Variants in PACRG observed in about 807,000 individuals in gnomAD.
PACRG encodes the protein parkin coregulated gene protein.
A neutral mutation model predicts 29.7 loss-of-function variants in PACRG; 29 were observed. That is an observed-to-expected ratio of 0.98 (90% CI 0.73 to 1.33). The LOEUF is 1.33. Among genes scored for constraint, PACRG ranks in the 40% most tolerant of loss-of-function variants. The pLI is 0.00. For missense variants in PACRG, 279 were observed against 316.2 expected (o/e 0.88, Z 0.89); for synonymous variants, 116 against 118.7 (o/e 0.98, Z 0.15).
chr6:163,039,128 C>A (rs540147777), intron 2 of PACRG, among the ~76,000 whole-genome samples: 1 of 152,242 alleles, frequency 6.6e-6, no homozygotes, highest in East Asian at 1.9e-4. Flanking sequence ...AAGGAGTTCT[C>A]ACGAGATTTG....
chr6:162,942,275 A>G (rs1798686782), intron 2 of PACRG, among the ~76,000 whole-genome samples: 1 of 152,272 alleles, frequency 6.6e-6, no homozygotes, highest in African/African-American at 2.4e-5. Flanking sequence ...ATTATTTTTC[A>G]GTTTGTGAAA....
chr6:162,918,519 A>G (rs1465843499), intron 2 of PACRG, among the ~76,000 whole-genome samples: 2 of 152,202 alleles, frequency 1.3e-5, no homozygotes, highest in Non-Finnish European at 2.9e-5. Flanking sequence ...TGGCACCAGC[A>G]CAATGATTCC....
intron 4 of PACRG, among the ~76,000 whole-genome samples, chr6:163,118,219 CG>C (rs1379203052): frequency 1.3e-5 from 2 of 152,184 alleles, no homozygotes; most frequent in African/African-American, 4.8e-5. Context: ...TTAGGGGTGA[CG>C]TCTGGAGAGA....
At chr6:162,960,203 T>C (rs1373772017) in intron 2 of PACRG, among the ~76,000 whole-genome samples, 3 of 152,212 alleles carry the variant, frequency 2.0e-5, no homozygotes, top group Non-Finnish European at 4.4e-5. Context: ...TTTGGAGATT[T>C]CTCAAAGAAC....
intron 1 of PACRG, among the ~76,000 whole-genome samples, chr6:162,791,325 T>TG (rs1784928646): frequency 6.7e-6 from 1 of 148,774 alleles, no homozygotes; most frequent in Non-Finnish European, 1.5e-5. Flanking sequence ...TTTTTTTTTT[T>TG]GCTTTGCGCT....
At chr6:163,187,213 C>A (rs959335086) in intron 4 of PACRG, among the ~76,000 whole-genome samples, 4 of 152,200 alleles carry the variant, frequency 2.6e-5, no homozygotes, top group South Asian at 2.1e-4. Context: ...TTATTGACTT[C>A]TCACATCCGC....
chr6:163,131,064 T>C (rs12200768), intron 4 of PACRG, among the ~76,000 whole-genome samples: 40,023 of 151,980 alleles, frequency 0.26, 6,873 homozygotes, highest in Non-Finnish European at 0.38. Flanking sequence ...TCCCAGCACT[T>C]TGGGAGGCCG....
rs564913127 is a variant in PACRG, at chr6:162,946,880, T to C, written c.292-115270T>C. ...AACAGAGTGAAGGACAAAAACCATATGATCATCTCAATAGATGTAGAAGAA... is the reference window on the plus strand; with the variant it reads ...AACAGAGTGAAGGACAAAAACCATACGATCATCTCAATAGATGTAGAAGAA... On this transcript the variant is annotated intron_variant, in intron 2 of 4. Transcript: ENST00000366888. Among the ~76,000 whole-genome samples, 3 of 152,220 alleles carry C rather than the reference T, an allele frequency of 2.0e-5. No individual in the cohort carries two copies. The South Asian group carries it at 6.2e-4, about 32-fold the overall frequency.
At chr6:162,727,667 A>G (rs771586218), upstream of PACRG, 48 of 1,583,588 alleles carry the variant, frequency 3.0e-5, 1 homozygote, top group South Asian at 4.6e-4. Flanking sequence ...CGTACCTATC[A>G]TGGTCACTGG....
intron 4 of PACRG, among the ~76,000 whole-genome samples, chr6:163,147,820 C>T (rs1777862194): frequency 1.3e-5 from 2 of 152,168 alleles, no homozygotes; most frequent in Admixed American, 1.3e-4. Flanking sequence ...TCACATCTCC[C>T]AGCCCCGGGG....
At chr6:163,088,754 C>T (rs779185722) in intron 3 of PACRG, among the ~76,000 whole-genome samples, 51 of 152,090 alleles carry the variant, frequency 3.4e-4, no homozygotes, top group Non-Finnish European at 4.0e-4. Context: ...TTTATGTTCA[C>T]TTCTACCAAG....
intron 1 of PACRG, among the ~76,000 whole-genome samples, chr6:162,746,602 A>T (rs1248670570): frequency 6.6e-6 from 1 of 152,220 alleles, no homozygotes; most frequent in Non-Finnish European, 1.5e-5. Context: ...AAATATGAAG[A>T]CGTTTTAGGC....
At chr6:163,074,066 C>T (rs1812319628) in intron 3 of PACRG, among the ~76,000 whole-genome samples, 1 of 152,136 alleles carries the variant, frequency 6.6e-6, no homozygotes, top group Admixed American at 6.5e-5. Flanking sequence ...AAGCCCACTC[C>T]TAGGTATATA....
At chr6:162,727,966 G>C, upstream of PACRG, 1 of 600,982 alleles carries the variant, frequency 1.7e-6, no homozygotes, top group Non-Finnish European at 2.9e-6. Flanking sequence ...CCGCCGTGTT[G>C]ACCAGTCGCT....
intron 4 of PACRG, among the ~76,000 whole-genome samples, chr6:163,104,583 T>C (rs74750791): frequency 0.044 from 6,738 of 152,288 alleles, 490 homozygotes; most frequent in African/African-American, 0.15. Flanking sequence ...AGAGTCTCTG[T>C]GGGTCTCATG....
chr6:162,824,136 C>G (rs1187386167), intron 2 of PACRG, among the ~76,000 whole-genome samples: 2 of 152,106 alleles, frequency 1.3e-5, no homozygotes, highest in Non-Finnish European at 2.9e-5. Flanking sequence ...TACCAGAAAT[C>G]TCTGTCCCTA....
chr6:162,967,069 T>G (rs1562787914), intron 2 of PACRG, among the ~76,000 whole-genome samples: 1 of 151,596 alleles, frequency 6.6e-6, no homozygotes, highest in Non-Finnish European at 1.5e-5. Flanking sequence ...CTTTTCCCCC[T>G]TATTACACGT....
chr6:163,200,975 G>A (rs1429398454), intron 4 of PACRG, among the ~76,000 whole-genome samples: 3 of 152,196 alleles, frequency 2.0e-5, no homozygotes, highest in South Asian at 2.1e-4. Flanking sequence ...GGTGGGATCC[G>A]CAGAACATGG....
chr6:162,923,257 T>C (rs1797194486), intron 2 of PACRG, among the ~76,000 whole-genome samples: 1 of 152,220 alleles, frequency 6.6e-6, no homozygotes, highest in Non-Finnish European at 1.5e-5. Flanking sequence ...TTTGAGCTCC[T>C]TGCATATTCT....
Sources: gnomAD v4.1 joint callset for allele counts (sites outside exome capture counted in the v4.1 genomes callset) on GRCh38, gnomAD v4.1.1 for gene constraint, MANE v1.5 for transcripts, NCBI Gene and HGNC (gene_info 2026-07-23, HGNC 2026-07-21) for gene names.